PTPRC: variants seen among roughly 807,000 people sequenced by gnomAD.
PTPRC encodes the protein protein tyrosine phosphatase receptor type C.
PTPRC carries 44 observed loss-of-function variants against 155.9 expected under a neutral mutation model. The ratio of observed to expected loss-of-function variants is 0.28; its 90% CI spans 0.22 to 0.36. The LOEUF (loss-of-function observed/expected upper bound fraction) is 0.36, where lower values mean the gene tolerates loss of function less well. PTPRC is among the 10% of genes least tolerant of loss of function. The pLI, the probability that PTPRC is intolerant of heterozygous loss-of-function variation, is 1.00. For synonymous variants in PTPRC, 525 were observed against 533.1 expected, an observed-to-expected ratio of 0.98 and a Z score of 0.21; for missense variants, 1,401 against 1,564.6, an observed-to-expected ratio of 0.90 and a Z score of 1.76.
intron 2 of PTPRC, among the ~76,000 whole-genome samples, chr1:198,688,377 A>G (rs2102355873): frequency 6.6e-6 from 1 of 152,278 alleles, no homozygotes; most frequent in South Asian, 2.1e-4. Context: ...ATTCGAGGAA[A>G]TTTTGAATAT....
chr1:198,743,002 C>G (rs1240126857), intron 25 of PTPRC, among the ~76,000 whole-genome samples: 2 of 144,026 alleles, frequency 1.4e-5, no homozygotes, highest in African/African-American at 5.1e-5. Flanking sequence ...ATGCATATAC[C>G]CAAGAGAAGC....
intron 2 of PTPRC, among the ~76,000 whole-genome samples, chr1:198,666,227 C>T (rs371041579): frequency 8.0e-6 from 1 of 125,554 alleles, no homozygotes; most frequent in Non-Finnish European, 1.6e-5. Context: ...GGCAACAGAG[C>T]AAGACCCTGT....
chr1:198,706,994 G>C (rs776696331), intron 9 of PTPRC, 42 bp downstream of exon 9: 1 of 1,478,828 alleles, frequency 6.8e-7, no homozygotes, highest in Non-Finnish European at 9.4e-7. Flanking sequence ...TATAAAAACA[G>C]TACACTTTTG....
intron 2 of PTPRC, among the ~76,000 whole-genome samples, chr1:198,663,529 T>C (rs1358071998): frequency 6.6e-6 from 1 of 152,202 alleles, no homozygotes. Context: ...AGAAGCTTGG[T>C]CAAATGGACA....
chr1:198,691,707 A>G (rs1665936920), intron 2 of PTPRC, among the ~76,000 whole-genome samples: 1 of 152,064 alleles, frequency 6.6e-6, no homozygotes, highest in Admixed American at 6.5e-5. Context: ...TCTGGGACCA[A>G]GCTAGCTATA....
At chr1:198,712,308 A>G (rs1450573352) in intron 11 of PTPRC, among the ~76,000 whole-genome samples, 1 of 152,210 alleles carries the variant, frequency 6.6e-6, no homozygotes, top group African/African-American at 2.4e-5. Context: ...TAGTTAACAG[A>G]AAGTTGATCA....
At position 198,756,431 on chromosome 1, in the gene PTPRC, TG is replaced by T; in HGVS notation, c.*251del. On this transcript the variant is annotated 3_prime_UTR_variant, in exon 33 of 33. Transcript: ENST00000442510. ...AAAAACAACTTCTTTGTAATCGTTATGTGTGTATATGTATGTGTGTATGGGT... is the reference window on the plus strand; with the variant it reads ...AAAAACAACTTCTTTGTAATCGTTATTGTGTATATGTATGTGTGTATGGGT... The T allele has an allele frequency of 4.0e-6, 2 of 506,168 alleles. No individual in the cohort carries two copies. Among genetic ancestry groups the T allele is most frequent in the South Asian group, 4.2e-5 (2 of 47,310 alleles). The allele number at this position is 506,168 out of a possible 1,614,324, so 31.4% of individuals were successfully genotyped here.
chr1:198,651,380 G>T (rs1422669221), intron 2 of PTPRC, among the ~76,000 whole-genome samples: 4 of 151,150 alleles, frequency 2.6e-5, no homozygotes. Context: ...ATTTCTTTGA[G>T]AAATTTAAAA....
intron 2 of PTPRC, among the ~76,000 whole-genome samples, chr1:198,667,911 A>G (rs1341395632): frequency 6.6e-6 from 1 of 152,222 alleles, no homozygotes; most frequent in African/African-American, 2.4e-5. Flanking sequence ...ATAAAGATAA[A>G]AACTGGAAAG....
chr1:198,683,046 A>G (rs1185620988), intron 2 of PTPRC, among the ~76,000 whole-genome samples: 1 of 152,198 alleles, frequency 6.6e-6, no homozygotes, highest in East Asian at 1.9e-4. Flanking sequence ...GGGTTTTTAC[A>G]GTCAGACAGA....
intron 26 of PTPRC, 55 bp from the exon 27 acceptor site, chr1:198,748,054 A>G (rs1310255411): frequency 4.5e-6 from 7 of 1,557,062 alleles, no homozygotes; most frequent in South Asian, 1.2e-5. Context: ...TTATGATGCA[A>G]TAAGCCAATA....
chr1:198,729,586 G>T (rs1654296668), intron 17 of PTPRC, among the ~76,000 whole-genome samples: 1 of 152,036 alleles, frequency 6.6e-6, no homozygotes, highest in African/African-American at 2.4e-5. Flanking sequence ...GTTTAACTTG[G>T]ACTTTTGTTG....
chr1:198,705,437 T>C (rs1353493340), intron 8 of PTPRC, among the ~76,000 whole-genome samples: 4 of 151,074 alleles, frequency 2.6e-5, no homozygotes, highest in Non-Finnish European at 4.4e-5. Flanking sequence ...TCTTTCTTTT[T>C]TTTTTTTTTT....
chr1:198,680,630 C>A (rs1236792898), intron 2 of PTPRC, among the ~76,000 whole-genome samples: 2 of 151,116 alleles, frequency 1.3e-5, no homozygotes, highest in Admixed American at 6.6e-5. Context: ...ATCAATGTGG[C>A]GGTATCTAGC....
intron 22 of PTPRC, 57 bp from the exon 23 acceptor site, chr1:198,735,070 G>T: frequency 7.0e-7 from 1 of 1,430,942 alleles, no homozygotes; most frequent in South Asian, 1.3e-5. Context: ...AAGAAAGTTT[G>T]ATAAAAAATT....
intron 2 of PTPRC, among the ~76,000 whole-genome samples, chr1:198,681,015 T>G (rs1665292381): frequency 6.6e-6 from 1 of 152,172 alleles, no homozygotes; most frequent in South Asian, 2.1e-4. Flanking sequence ...CACATAGAGA[T>G]ATTATGAGGA....
At chr1:198,683,012 T>C (rs1665425385) in intron 2 of PTPRC, among the ~76,000 whole-genome samples, 1 of 152,182 alleles carries the variant, frequency 6.6e-6, no homozygotes, top group Non-Finnish European at 1.5e-5. Context: ...TTCCTTACAG[T>C]GCAATGCAGT....
chr1:198,734,255 A>G, intron 21 of PTPRC, 23 bp downstream of exon 21: 2 of 1,610,414 alleles, frequency 1.2e-6, no homozygotes, highest in Non-Finnish European at 1.7e-6. Flanking sequence ...ATAATCCAAT[A>G]TTCTTTTTGA....
intron 3 of PTPRC, chr1:198,694,606 G>A (rs1666101653): frequency 2.0e-6 from 2 of 985,914 alleles, no homozygotes; most frequent in African/African-American, 3.5e-5. Flanking sequence ...ATTGGAAGCA[G>A]GCAGACACCA....
Sources: gnomAD v4.1 joint callset for allele counts (sites outside exome capture counted in the v4.1 genomes callset) on GRCh38, gnomAD v4.1.1 for gene constraint, MANE v1.5 for transcripts, NCBI Gene and HGNC (gene_info 2026-07-23, HGNC 2026-07-21) for gene names.